Variants in TRIP4 observed in about 807,000 individuals in gnomAD.
TRIP4 encodes activating signal cointegrator 1.
TRIP4 carries 54 observed loss-of-function variants against 81.8 expected under a neutral mutation model. That is an observed-to-expected ratio of 0.66 (90% confidence interval 0.53 to 0.83). The LOEUF is 0.83. Ranked by LOEUF, TRIP4 falls within the 40% of genes least tolerant of loss-of-function variation. The pLI is 0.00. For synonymous variants in TRIP4, 270 were observed against 242.8 expected, an observed-to-expected ratio of 1.11 and a Z score of -1.04; for missense variants, 662 against 683.6, an observed-to-expected ratio of 0.97 and a Z score of 0.35.
At chr15:64,422,983 G>A (rs994630030) in intron 9 of TRIP4, among the ~76,000 whole-genome samples, 1 of 152,182 alleles carries the variant, frequency 6.6e-6, no homozygotes, top group African/African-American at 2.4e-5. Flanking sequence ...ATAAGAATGG[G>A]ATAAGAGGGA....
intron 8 of TRIP4, among the ~76,000 whole-genome samples, chr15:64,414,512 C>CTTTTTTTTTTTTTTTTT (rs869202504): frequency 1.1e-5 from 1 of 87,024 alleles, no homozygotes; most frequent in African/African-American, 4.3e-5. Flanking sequence ...TGCTCTTTCT[C>CTTTTTTTTTTTTTTTTT]TTTTTTTTTT....
intron 11 of TRIP4, among the ~76,000 whole-genome samples, chr15:64,430,053 TAAAA>T (rs891509652): frequency 3.9e-5 from 6 of 152,256 alleles, no homozygotes; most frequent in African/African-American, 1.2e-4. Flanking sequence ...TTAGTCCTCT[TAAAA>T]AAAGAAAATC....
At chr15:64,406,197 T>C in intron 5 of TRIP4, 133 bp from the exon 6 acceptor site, 2 of 1,081,832 alleles carry the variant, frequency 1.8e-6, no homozygotes, top group Non-Finnish European at 1.3e-6. Flanking sequence ...GTGTACTTGT[T>C]TTCTGTTGAA....
At chr15:64,434,024 A>G (rs1248201900) in intron 11 of TRIP4, among the ~76,000 whole-genome samples, 1 of 152,140 alleles carries the variant, frequency 6.6e-6, no homozygotes, top group African/African-American at 2.4e-5. Context: ...TACCCCTGGT[A>G]TAGAGGAATA....
intron 5 of TRIP4, among the ~76,000 whole-genome samples, chr15:64,404,307 AT>A (rs960865268): frequency 2.0e-5 from 3 of 151,798 alleles, no homozygotes; most frequent in Non-Finnish European, 4.4e-5. Flanking sequence ...TAATTTTATT[AT>A]TTTTTATTTT....
chr15:64,393,060 G>A (rs1900181295), intron 1 of TRIP4, among the ~76,000 whole-genome samples: 1 of 151,908 alleles, frequency 6.6e-6, no homozygotes, highest in Admixed American at 6.6e-5. Flanking sequence ...AAAGTTAAAG[G>A]ATATAGCACT....
At chr15:64,405,242 C>T (rs9672576) in intron 5 of TRIP4, among the ~76,000 whole-genome samples, 2,530 of 151,514 alleles carry the variant, frequency 0.017, 64 homozygotes, top group African/African-American at 0.058. Flanking sequence ...GTAAGCTCAG[C>T]GTCCCAGGTT....
chr15:64,427,231 G>A (rs1294503395), intron 11 of TRIP4, among the ~76,000 whole-genome samples: 1 of 152,004 alleles, frequency 6.6e-6, no homozygotes, highest in Admixed American at 6.6e-5. Context: ...TAGATAATAG[G>A]GCTTCCACCA....
chr15:64,414,375 A>G (rs1433813593), intron 8 of TRIP4, among the ~76,000 whole-genome samples, 164 bp downstream of exon 8: 1 of 151,858 alleles, frequency 6.6e-6, no homozygotes, highest in Non-Finnish European at 1.5e-5. Flanking sequence ...TCTGGCCCAC[A>G]TTTTTTCCAT....
At chr15:64,443,903 A>G (rs1167500351) in intron 11 of TRIP4, among the ~76,000 whole-genome samples, 1 of 152,142 alleles carries the variant, frequency 6.6e-6, no homozygotes, top group Non-Finnish European at 1.5e-5. Context: ...CCTCTTCCAC[A>G]CTGAAAGCCA....
At chr15:64,404,760 A>G (rs1418170422) in intron 5 of TRIP4, among the ~76,000 whole-genome samples, 1 of 151,848 alleles carries the variant, frequency 6.6e-6, no homozygotes, top group Non-Finnish European at 1.5e-5. Context: ...AGGCTGGAGT[A>G]CATTGGTATG....
At chr15:64,422,247 C>G (rs940399799) in intron 9 of TRIP4, among the ~76,000 whole-genome samples, 7 of 152,150 alleles carry the variant, frequency 4.6e-5, no homozygotes, top group Non-Finnish European at 1.0e-4. Flanking sequence ...AATGGATTGC[C>G]CTGAAATATG....
At position 64,440,330 on chromosome 15, in the gene TRIP4, C is replaced by G. The variant is rs1465878924; in HGVS notation, c.1576-4676C>G. Among the ~76,000 whole-genome samples the G allele has an allele frequency of 2.0e-5, 3 of 151,944 alleles. No homozygotes were observed. In the East Asian group the frequency reaches 5.8e-4, roughly 29 times the overall value. ...TCTTATTCTTTCTCTGGGTAATCTG[C>G]ATTTTAGTTTTCTGACTTTCAGACC... On this transcript the variant is annotated intron_variant, in intron 11 of 12. Transcript: ENST00000261884.
chr15:64,453,424 G>A (rs552279686), intron 12 of TRIP4, among the ~76,000 whole-genome samples: 7 of 152,302 alleles, frequency 4.6e-5, no homozygotes, highest in South Asian at 4.2e-4. Context: ...CATTTGGTGA[G>A]AGCATTTATT....
At chr15:64,412,767 A>G (rs555988400) in intron 7 of TRIP4, among the ~76,000 whole-genome samples, 2 of 152,312 alleles carry the variant, frequency 1.3e-5, no homozygotes, top group South Asian at 4.1e-4. Context: ...CAACAGGAGT[A>G]TTGAATAGAG....
intron 7 of TRIP4, among the ~76,000 whole-genome samples, chr15:64,413,230 T>C (rs1375048791): frequency 6.6e-6 from 1 of 152,078 alleles, no homozygotes; most frequent in Non-Finnish European, 1.5e-5. Context: ...CAGGGCCTTA[T>C]TGACTATTGC....
chr15:64,422,914 C>T (rs1008986024), intron 9 of TRIP4, among the ~76,000 whole-genome samples: 1 of 152,060 alleles, frequency 6.6e-6, no homozygotes, highest in African/African-American at 2.4e-5. Context: ...TGGCACTCTT[C>T]CAATTTATCT....
intron 11 of TRIP4, among the ~76,000 whole-genome samples, chr15:64,426,190 T>C (rs1020658027): frequency 2.6e-5 from 4 of 152,068 alleles, no homozygotes; most frequent in Non-Finnish European, 4.4e-5. Context: ...ATCCCTTGAA[T>C]TATTTTGATT....
At chr15:64,398,148 AC>A (rs1900348561) in intron 4 of TRIP4, among the ~76,000 whole-genome samples, 1 of 151,894 alleles carries the variant, frequency 6.6e-6, no homozygotes, top group African/African-American at 2.4e-5. Flanking sequence ...TGATCCGCCC[AC>A]CTCGGCCTCT....
Sources: allele counts gnomAD v4.1 joint callset (sites outside exome capture counted in the v4.1 genomes callset), GRCh38; gene constraint gnomAD v4.1.1; transcripts MANE v1.5; gene names NCBI Gene and HGNC (gene_info 2026-07-23, HGNC 2026-07-21).